Variants in CHD6 observed in about 807,000 individuals in gnomAD.
The protein encoded by CHD6 is chromodomain helicase DNA binding protein 6.
In CHD6, 50 loss-of-function variants were observed where a neutral mutation model predicts 276.9. The ratio of observed to expected loss-of-function variants is 0.18; its 90% CI spans 0.14 to 0.23. CHD6 has a LOEUF of 0.23. Ranked by LOEUF, CHD6 falls within the 10% of genes least tolerant of loss-of-function variation. The pLI is 1.00. For missense variants in CHD6, 2,564 were observed against 3,365.8 expected, an observed-to-expected ratio of 0.76 and a Z score of 5.89; for synonymous variants, 1,173 against 1,229.3, an observed-to-expected ratio of 0.95 and a Z score of 0.96.
At chr20:41,607,379 C>G (rs1037736512) in intron 1 of CHD6, among the ~76,000 whole-genome samples, 4 of 152,290 alleles carry the variant, frequency 2.6e-5, no homozygotes, top group Non-Finnish European at 5.9e-5. Flanking sequence ...GGCAGTTTAC[C>G]TTTCTGTCTC....
At chr20:41,465,310 G>A (rs1312511074) in intron 17 of CHD6, among the ~76,000 whole-genome samples, 4 of 152,172 alleles carry the variant, frequency 2.6e-5, no homozygotes, top group Non-Finnish European at 4.4e-5. Flanking sequence ...GTAATAAGAT[G>A]TATTCATATC....
chr20:41,496,201 A>G (rs2043681843), intron 8 of CHD6, among the ~76,000 whole-genome samples: 1 of 152,234 alleles, frequency 6.6e-6, no homozygotes, highest in Non-Finnish European at 1.5e-5. Context: ...ATGTGTAGTT[A>G]ATTGAACTGG....
intron 33 of CHD6, 121 bp downstream of exon 33, chr20:41,416,467 G>T: frequency 1.2e-6 from 1 of 847,114 alleles, no homozygotes; most frequent in Non-Finnish European, 1.8e-6. Flanking sequence ...AACACTAATG[G>T]CTTGGCAAAA....
chr20:41,563,924 T>A, intron 1 of CHD6: 1 of 653,118 alleles, frequency 1.5e-6, no homozygotes, highest in Admixed American at 2.8e-5. Context: ...CAACACTCTA[T>A]ATATTCAGTT....
rs2048269612 is a variant in CHD6, at chr20:41,452,544, C to T, written c.3323+196G>A. Among the ~76,000 whole-genome samples the T allele has an allele frequency of 6.6e-6, 1 of 152,122 alleles. No homozygotes were observed. Among genetic ancestry groups the T allele is most frequent in the Non-Finnish European group, 1.5e-5 (1 of 68,032 alleles). On this transcript the variant is annotated intron_variant, in intron 21 of 36. Transcript: ENST00000373233. This position sits in a 1 kb window ranked among gnomAD's most constrained non-coding sequence, Gnocchi z 4.2. Reference sequence around the variant, plus strand: ...ATATGAGAAAATCATGGCATGTCTGCATTGTGGTTGCGGAGCATACGGTGA... The same window carrying T: ...ATATGAGAAAATCATGGCATGTCTGTATTGTGGTTGCGGAGCATACGGTGA...
chr20:41,456,128 A>G, intron 18 of CHD6, 149 bp from the exon 19 acceptor site: 1 of 682,620 alleles, frequency 1.5e-6, no homozygotes, highest in Non-Finnish European at 2.3e-6. Flanking sequence ...AGCTAGTGAA[A>G]TCCCAGATGC....
chr20:41,447,224 T>C (rs1414472325), intron 24 of CHD6, among the ~76,000 whole-genome samples: 3 of 152,146 alleles, frequency 2.0e-5, no homozygotes, highest in Admixed American at 2.0e-4. Flanking sequence ...CCCCAGGTAA[T>C]CTCAACACAA....
chr20:41,456,848 A>G (rs1267246788), intron 18 of CHD6, among the ~76,000 whole-genome samples: 2 of 152,170 alleles, frequency 1.3e-5, no homozygotes, highest in African/African-American at 4.8e-5. Flanking sequence ...ACCATCCAGC[A>G]CTTTATGTTT....
intron 3 of CHD6, among the ~76,000 whole-genome samples, chr20:41,525,631 G>A (rs2044512890): frequency 6.6e-6 from 1 of 152,178 alleles, no homozygotes; most frequent in African/African-American, 2.4e-5. Context: ...AAGTGAAAAT[G>A]AAAGCAGGCT....
chr20:41,507,389 AT>A (rs11306578), intron 5 of CHD6, among the ~76,000 whole-genome samples: 56,878 of 147,330 alleles, frequency 0.39, 13,264 homozygotes, highest in African/African-American at 0.66. Flanking sequence ...TAAAATTTCA[AT>A]TTTTTTTTTT....
At chr20:41,511,591 G>A (rs1411473794) in intron 5 of CHD6, among the ~76,000 whole-genome samples, 5 of 152,110 alleles carry the variant, frequency 3.3e-5, no homozygotes, top group African/African-American at 7.2e-5. Context: ...CCAATCTGCA[G>A]GATAAAAACT....
chr20:41,488,089 CA>C (rs2043461269), intron 13 of CHD6, among the ~76,000 whole-genome samples: 1 of 152,098 alleles, frequency 6.6e-6, no homozygotes, highest in Non-Finnish European at 1.5e-5. Flanking sequence ...GGCACTGTGC[CA>C]AGGCAGTAAT....
chr20:41,487,845 A>C, intron 13 of CHD6, 37 bp from the exon 14 acceptor site: 1 of 1,586,548 alleles, frequency 6.3e-7, no homozygotes, highest in Non-Finnish European at 8.5e-7. Flanking sequence ...ACAGTGCTTG[A>C]GCCATCAAAA....
At chr20:41,405,657 T>C (rs541728210) in intron 36 of CHD6, among the ~76,000 whole-genome samples, 168 bp from the exon 37 acceptor site, 1 of 152,336 alleles carries the variant, frequency 6.6e-6, no homozygotes, top group African/African-American at 2.4e-5. Flanking sequence ...GGCCTGACTG[T>C]ACCTGACAGG....
intron 11 of CHD6, among the ~76,000 whole-genome samples, chr20:41,491,123 T>C (rs796434499): frequency 6.6e-6 from 1 of 152,094 alleles, no homozygotes; most frequent in Non-Finnish European, 1.5e-5. Context: ...ACACTAAGGC[T>C]ACACTCAATT....
Position 41,452,166 on chromosome 20 carries a change from G to A in CHD6, c.3324-141C>T, listed in dbSNP as rs1007404856. The A allele has an allele frequency of 2.9e-5, 20 of 698,362 alleles. No individual in the cohort carries two copies. Among genetic ancestry groups the A allele is most frequent in the Non-Finnish European group, 3.7e-5 (15 of 400,116 alleles). The allele number at this position is 698,362 out of a possible 1,614,324, so 43.3% of individuals were successfully genotyped here. A position where few individuals can be genotyped will look rare whatever the true frequency, so the allele number is the denominator to read the frequency against. On this transcript the variant is annotated intron_variant, in intron 21 of 36. Transcript: ENST00000373233. The surrounding 1 kb of genome is among the most constrained non-coding windows in gnomAD (Gnocchi z 4.2). ...TTAATCATCCCAAGGGCTTTGTCCCGAAAGGCCTTTGAGGACCACCTGACT... is the reference window on the plus strand; with the variant it reads ...TTAATCATCCCAAGGGCTTTGTCCCAAAAGGCCTTTGAGGACCACCTGACT...
intron 2 of CHD6, 143 bp from the exon 3 acceptor site, chr20:41,533,713 T>C: frequency 1.3e-6 from 1 of 756,408 alleles, no homozygotes; most frequent in Non-Finnish European, 2.1e-6. Context: ...TGCTAGGCCT[T>C]GGAGACAGAG....
In CHD6 at chr20:41,504,077, C is replaced by CAAAAAAAA. The variant is rs1189323419; in HGVS notation, c.853-4728_853-4721dup. Among the ~76,000 whole-genome samples the CAAAAAAAA allele has an allele frequency of 4.1e-3, 111 of 27,084 alleles. 4 individuals carry two copies. The highest frequency in any genetic ancestry group is 0.012 in the South Asian group (6 of 500). 17.8% of individuals were successfully genotyped at this position (27,084 alleles called of 152,430 possible). On this transcript the variant is annotated intron_variant, in intron 5 of 36. Coordinates refer to ENST00000373233, the MANE Select transcript of CHD6 (RefSeq NM_032221.5). The stretch of plus-strand genomic sequence containing the variant: ...TGGGTGATAGAGTGAGACTCTGTCT[C>CAAAAAAAA]AAAAAAAAAAAAAAAAAAAAAAAAA...
At chr20:41,496,139 T>G (rs1398729563) in intron 8 of CHD6, among the ~76,000 whole-genome samples, 1 of 152,220 alleles carries the variant, frequency 6.6e-6, no homozygotes, top group Non-Finnish European at 1.5e-5. Flanking sequence ...CTAGGATTAG[T>G]AGGATTCGTT....
Sources: gnomAD v4.1 joint callset for allele counts (sites outside exome capture counted in the v4.1 genomes callset) on GRCh38, gnomAD v4.1.1 for gene constraint, Gnocchi (gnomAD v3.1) non-coding constraint, MANE v1.5 for transcripts, NCBI Gene and HGNC (gene_info 2026-07-23, HGNC 2026-07-21) for gene names.